UHMK1: variants seen among roughly 807,000 people sequenced by gnomAD.
The protein encoded by UHMK1 is serine/threonine-protein kinase Kist.
UHMK1 carries 18 observed loss-of-function variants against 44.0 expected under a neutral mutation model. The ratio of observed to expected loss-of-function variants is 0.41; its 90% CI spans 0.28 to 0.61. UHMK1 has a LOEUF of 0.61. Among genes scored for constraint, UHMK1 ranks in the 20% least tolerant of loss-of-function variants. The pLI is 0.31. For synonymous variants in UHMK1, 231 were observed against 198.5 expected (o/e 1.16, Z -1.38); for missense variants, 463 against 522.5 (o/e 0.89, Z 1.11).
intron 4 of UHMK1, among the ~76,000 whole-genome samples, chr1:162,510,875 G>A (rs1444236909): frequency 1.3e-5 from 2 of 151,374 alleles, no homozygotes; most frequent in East Asian, 1.9e-4. Context: ...TTTTTTAAGG[G>A]GCCTCCATAC....
chr1:162,522,819 G>C lies in UHMK1; in HGVS notation c.*269G>C, dbSNP rs1210088257. 1 of 294,798 alleles carries C rather than the reference G, an allele frequency of 3.4e-6. No individual in the cohort carries two copies. The highest frequency in any genetic ancestry group is 2.2e-5 in the African/African-American group (1 of 46,330). The allele number at this position is 294,798 out of a possible 1,614,324, so 18.3% of individuals were successfully genotyped here. On this transcript the variant is annotated 3_prime_UTR_variant, in exon 8 of 8. Transcript: ENST00000489294. The stretch of plus-strand genomic sequence containing the variant: ...GCGGGAGAGCAGGTGTTGCTCTTCA[G>C]TATGTAGCCTAAAAAAATCTTAATT...
chr1:162,497,774 T>A, upstream of UHMK1: 980 of 998,284 alleles, frequency 9.8e-4, no homozygotes, highest in Non-Finnish European at 1.2e-3. Flanking sequence ...GAGCCCCCCC[T>A]CCTTCGGCCT....
At chr1:162,511,546 G>A (rs997125454) in intron 4 of UHMK1, among the ~76,000 whole-genome samples, 2 of 152,100 alleles carry the variant, frequency 1.3e-5, no homozygotes, top group Admixed American at 6.6e-5. Context: ...CATTCTGTAA[G>A]TTGTCTCTTC....
chr1:162,528,366 A>G lies in UHMK1; in HGVS notation c.*5816A>G, dbSNP rs1652323639. The G allele has an allele frequency of 6.6e-6, 1 of 152,134 alleles. No homozygotes were observed. The highest frequency in any genetic ancestry group is 1.5e-5 in the Non-Finnish European group (1 of 67,962). The allele number at this position is 152,134 out of a possible 1,614,324, so 9.4% of individuals were successfully genotyped here. A position where few individuals can be genotyped will look rare whatever the true frequency, so the allele number is the denominator to read the frequency against. On this transcript the variant is annotated 3_prime_UTR_variant, in exon 8 of 8. Transcript: ENST00000489294. ...TTAAAGTTCCAGGTTTGGTACCGCT[A>G]GCATAGAAACATTGCCTTTCCTACA... is the stretch of plus-strand genomic sequence containing the variant.
chr1:162,511,364 G>A (rs956236807), intron 4 of UHMK1, among the ~76,000 whole-genome samples: 4 of 151,420 alleles, frequency 2.6e-5, no homozygotes, highest in Non-Finnish European at 4.4e-5. Flanking sequence ...AGAGGATCTT[G>A]CCATGTTGCC....
intron 3 of UHMK1, 66 bp downstream of exon 3, chr1:162,501,170 GA>G: frequency 7.7e-7 from 1 of 1,303,808 alleles, no homozygotes; most frequent in Middle Eastern, 2.5e-4. Context: ...AATTTATGAT[GA>G]TTTTTTTTTT....
chr1:162,516,104 C>A (rs899472455), intron 6 of UHMK1, among the ~76,000 whole-genome samples: 1 of 151,734 alleles, frequency 6.6e-6, no homozygotes, highest in African/African-American at 2.4e-5. Context: ...ATATAACCCT[C>A]CTCCTCTATC....
intron 4 of UHMK1, among the ~76,000 whole-genome samples, chr1:162,509,530 A>G (rs996950288): frequency 2.6e-5 from 4 of 151,774 alleles, no homozygotes; most frequent in African/African-American, 9.7e-5. Context: ...GTTTGGGTTT[A>G]TTTTTTTTCT....
At chr1:162,510,100 T>C (rs1358005421) in intron 4 of UHMK1, among the ~76,000 whole-genome samples, 1 of 152,244 alleles carries the variant, frequency 6.6e-6, no homozygotes, top group Non-Finnish European at 1.5e-5. Context: ...CTTTTTTTAA[T>C]GACATAAAAT....
rs1652264631 is a variant in UHMK1 at position 162,526,730 on chromosome 1, T to C, written c.*4180T>C. 1 of 152,162 alleles carries C rather than the reference T, an allele frequency of 6.6e-6. No individual in the cohort carries two copies. Among genetic ancestry groups the C allele is most frequent in the South Asian group, 2.1e-4 (1 of 4,830 alleles). The allele number at this position is 152,162 out of a possible 1,614,324, so 9.4% of individuals were successfully genotyped here. On this transcript the variant is annotated 3_prime_UTR_variant, in exon 8 of 8. Transcript: ENST00000489294. ...TTGGTTTACCTTATTTTTTTGTATA[T>C]GTAAAACTATTCATATTTGATTTTA...
Position 162,526,595 on chromosome 1 carries a change from G to A in UHMK1, c.*4045G>A, listed in dbSNP as rs1347288353. ...TAATAGCACTTCTGCCTTTTTCCTG[G>A]AGTAACTTTTAGATTGAGTCACATA... On this transcript the variant is annotated 3_prime_UTR_variant, in exon 8 of 8. Transcript: ENST00000489294. The A allele has an allele frequency of 6.6e-6, 1 of 151,968 alleles. No homozygotes were observed. Among genetic ancestry groups the A allele is most frequent in the African/African-American group, 2.4e-5 (1 of 41,378 alleles). 9.4% of individuals were successfully genotyped at this position (151,968 alleles called of 1,614,324 possible).
At position 162,522,384 on chromosome 1, in the gene UHMK1, T is replaced by A. The variant is rs187132379; in HGVS notation, c.1114-20T>A. The A allele has an allele frequency of 1.6e-4, 252 of 1,613,430 alleles. 1 individual carries two copies. In the East Asian group the frequency reaches 5.5e-3, roughly 35 times the overall value. On this transcript the variant is annotated intron_variant, in intron 7 of 7. Transcript: ENST00000489294. ...CAATCTTGGTGGAAATGAAATGTTT[T>A]TTTCTCTGTCTTCTTTCAGGTCTTT...
Position 162,523,688 on chromosome 1 carries a change from C to G in UHMK1, c.*1138C>G, listed in dbSNP as rs1248906660. The G allele has an allele frequency of 6.6e-6, 1 of 152,058 alleles. No homozygotes were observed. Among genetic ancestry groups the G allele is most frequent in the Admixed American group, 6.6e-5 (1 of 15,260 alleles). The allele number at this position is 152,058 out of a possible 1,614,324, so 9.4% of individuals were successfully genotyped here. A position where few individuals can be genotyped will look rare whatever the true frequency, so the allele number is the denominator to read the frequency against. ...GAAAATAAAAGGATTCTTTTTTCTT[C>G]CTTTCTGTTTCTCGTATCCCTGCTC... On this transcript the variant is annotated 3_prime_UTR_variant, in exon 8 of 8. Transcript: ENST00000489294.
At chr1:162,519,508 C>T (rs1651979549) in intron 7 of UHMK1, among the ~76,000 whole-genome samples, 1 of 152,122 alleles carries the variant, frequency 6.6e-6, no homozygotes, top group African/African-American at 2.4e-5. Context: ...ATTCTTGAAC[C>T]TGAGTTCTAG....
Position 162,500,247 on chromosome 1 carries a change from G to C in UHMK1, c.561G>C (p.Gln187His). The change falls in exon 2 of 8, where the codon CAG becomes CAC. Residue 187 changes from glutamine (Q) to histidine (H), a missense_variant and splice_region_variant. Physicochemically the swap from Gln to His is conservative, Grantham distance 24. Transcript: ENST00000489294. The part of the protein sequence containing the change: ...DFGLSFKEGN[Q>H]DVKYIQTDGY... ...GACTTAGCTTCAAAGAAGGCAATCAGGTAAGAAATAACCTTTTCTTTTCTC... is the reference window on the plus strand; with the variant it reads ...GACTTAGCTTCAAAGAAGGCAATCACGTAAGAAATAACCTTTTCTTTTCTC... 6.2e-7 allele frequency: 1 copy of C among 1,607,416 alleles called. No individual in the cohort carries two copies. Among genetic ancestry groups the C allele is most frequent in the Non-Finnish European group, 8.5e-7 (1 of 1,175,160 alleles).
At chr1:162,501,435 T>C (rs1651264983) in intron 3 of UHMK1, among the ~76,000 whole-genome samples, 1 of 152,210 alleles carries the variant, frequency 6.6e-6, no homozygotes, top group Admixed American at 6.5e-5. Context: ...CCCCAAGTGC[T>C]GGGATTACAG....
intron 4 of UHMK1, 125 bp downstream of exon 4, chr1:162,503,973 T>C: frequency 1.4e-6 from 1 of 740,346 alleles, no homozygotes; most frequent in Non-Finnish European, 2.1e-6. Flanking sequence ...TGAAATAGTT[T>C]TACCAAATTT....
chr1:162,500,561 C>G (rs955464969), intron 2 of UHMK1: 23 of 412,736 alleles, frequency 5.6e-5, no homozygotes, highest in Non-Finnish European at 9.5e-5. Flanking sequence ...TTCCTGGTCT[C>G]TTCAGTGTTG....
chr1:162,505,326 T>A (rs778959960), intron 4 of UHMK1, among the ~76,000 whole-genome samples: 1 of 152,202 alleles, frequency 6.6e-6, no homozygotes, highest in South Asian at 2.1e-4. Flanking sequence ...TAACAATGCC[T>A]TCTTTTGGAA....
Sources: allele counts gnomAD v4.1 joint callset (sites outside exome capture counted in the v4.1 genomes callset), GRCh38; gene constraint gnomAD v4.1.1; transcripts MANE v1.5; gene names NCBI Gene and HGNC (gene_info 2026-07-23, HGNC 2026-07-21).